The following ZSCAN32 variants were observed in gnomAD, a reference collection of about 807,000 sequenced individuals.
ZSCAN32 encodes zinc finger and SCAN domain containing 32.
A neutral mutation model predicts 47.4 loss-of-function variants in ZSCAN32; 52 were observed. That is an observed-to-expected ratio of 1.10 (90% CI 0.88 to 1.38). The LOEUF (loss-of-function observed/expected upper bound fraction) is 1.38. ZSCAN32 is among the 40% of genes most tolerant of loss of function. ZSCAN32 has a pLI of 0.00. For missense variants in ZSCAN32, 959 were observed against 846.0 expected (o/e 1.13, Z -1.66); for synonymous variants, 346 against 305.7 (o/e 1.13, Z -1.38).
At chr16:3,384,109 A>G in intron 6 of ZSCAN32, 1 of 504,410 alleles carries the variant, frequency 2.0e-6, no homozygotes, top group Non-Finnish European at 3.5e-6. Context: ...CAAGGTGCTA[A>G]GTACCCAGCC....
At position 3,393,931 on chromosome 16, in the gene ZSCAN32, G is replaced by A. The variant is rs138635443; in HGVS notation, c.367-117C>T. The stretch of plus-strand genomic sequence containing the variant: ...AAGGAAGCAGAAGAGAAAAATCTAG[G>A]AGCCACTGTATTGCTGCTGTAATAA... On this transcript the variant is annotated intron_variant, in intron 2 of 6. Coordinates refer to ENST00000396852, the MANE Select transcript of ZSCAN32 (RefSeq NM_001284527.2). 3.3e-5 allele frequency: 29 copies of A among 867,576 alleles called. No individual in the cohort carries two copies. In the East Asian group the frequency reaches 5.3e-4, roughly 16 times the overall value. The allele number at this position is 867,576 out of a possible 1,614,324, so 53.7% of individuals were successfully genotyped here.
chr16:3,400,871 G>T (rs1428457679), intron 1 of ZSCAN32, 74 bp downstream of exon 1: 1 of 152,302 alleles, frequency 6.6e-6, no homozygotes, highest in Non-Finnish European at 1.5e-5. Context: ...AAGACTCCCA[G>T]CGGGGAGGGG....
rs901431998 is a variant in ZSCAN32, at chr16:3,398,904, T to C, written c.-187-1160A>G. Among the ~76,000 whole-genome samples the C allele has an allele frequency of 4.6e-5, 7 of 152,322 alleles. No homozygotes were observed. The East Asian group carries it at 1.3e-3, about 29-fold the overall frequency. On this transcript the variant is annotated intron_variant, in intron 1 of 6. Coordinates refer to ENST00000396852, the MANE Select transcript of ZSCAN32 (RefSeq NM_001284527.2). ...TCCAGCATTCCTTTCCCACTTCTAG[T>C]AGCAGCATCTTCTTCCTTTGTGAAA...
intron 5 of ZSCAN32, 140 bp from the exon 6 acceptor site, chr16:3,385,081 T>G (rs1419578404): frequency 5.0e-6 from 5 of 1,002,114 alleles, no homozygotes; most frequent in African/African-American, 3.2e-5. Flanking sequence ...TCCCAGCACT[T>G]TGGGAGGCCA....
chr16:3,397,413 T>TTACCTCCTGGTAGC lies in ZSCAN32; in HGVS notation c.131_144dup (p.Thr49AlafsTer5). The TTACCTCCTGGTAGC allele has an allele frequency of 6.4e-7, 1 of 1,552,478 alleles. No homozygotes were observed. Among genetic ancestry groups the TTACCTCCTGGTAGC allele is most frequent in the East Asian group, 2.4e-5 (1 of 41,086 alleles). ...TTGCTAAAAGCTTCATGTGGGCCAG[T>TTACCTCCTGGTAGC]TACCTCCTGGTAGCAAAACTGCCTG... On this transcript the variant is annotated frameshift_variant, in exon 2 of 7. Transcript: ENST00000396852. LOFTEE classifies it high-confidence loss of function.
chr16:3,393,947 G>T, intron 2 of ZSCAN32, 133 bp from the exon 3 acceptor site: 1 of 685,118 alleles, frequency 1.5e-6, no homozygotes, highest in Non-Finnish European at 2.2e-6. Context: ...CTGTATTGCT[G>T]CTGTAATAAA....
At position 3,390,521 on chromosome 16, in the gene ZSCAN32, G is replaced by C; in HGVS notation, c.533-4C>G. ...GGAGCCTGAGGAGCAAGCCAGGCTGGGGGAAAAAACAGCCGCTATTAGAGG... is the reference window on the plus strand; with the variant it reads ...GGAGCCTGAGGAGCAAGCCAGGCTGCGGGAAAAAACAGCCGCTATTAGAGG... On this transcript the variant is annotated splice_region_variant and splice_polypyrimidine_tract_variant and intron_variant, in intron 3 of 6. Transcript: ENST00000396852. The C allele has an allele frequency of 6.5e-7, 1 of 1,547,968 alleles. No individual in the cohort carries two copies.
Position 3,384,758 on chromosome 16 carries a change from C to A in ZSCAN32, c.935G>T (p.Ser312Ile). The A allele has an allele frequency of 6.2e-7, 1 of 1,614,188 alleles. No homozygotes were observed. Among genetic ancestry groups the A allele is most frequent in the Non-Finnish European group, 8.5e-7 (1 of 1,180,032 alleles). Residue 312 changes from serine to isoleucine, a missense_variant, in exon 6 of 7, where the codon AGC becomes ATC. By Grantham distance (142) the Ser-to-Ile change is moderately radical. Coordinates refer to ENST00000396852, the MANE Select transcript of ZSCAN32 (RefSeq NM_001284527.2). ...CACTTTGCGGTAACTCAACTGTAGG[C>A]TTTTGAACTTGGTGCGACACTGTTC... ...TPEQCRTKFK[S>I]LQLSYRKVRR...
chr16:3,394,583 T>A (rs1422413258), intron 2 of ZSCAN32, among the ~76,000 whole-genome samples: 6 of 152,186 alleles, frequency 3.9e-5, no homozygotes, highest in Non-Finnish European at 7.4e-5. Context: ...TCTCTCTACA[T>A]GGAACCCAGT....
intron 1 of ZSCAN32, among the ~76,000 whole-genome samples, chr16:3,398,608 C>T (rs559605546): frequency 3.8e-4 from 58 of 152,234 alleles, no homozygotes; most frequent in Non-Finnish European, 1.3e-4. Flanking sequence ...TAGTCTTCTC[C>T]CAGCCAAGAT....
Position 3,384,466 on chromosome 16 carries a change from G to A in ZSCAN32, c.1227C>T (p.Asn409=). The A allele has an allele frequency of 6.2e-7, 1 of 1,614,160 alleles. No individual in the cohort carries two copies. Among genetic ancestry groups the A allele is most frequent in the Non-Finnish European group, 8.5e-7 (1 of 1,180,014 alleles). Residue 409 remains asparagine, a synonymous_variant, in exon 6 of 7, where the codon AAC becomes AAT. Transcript: ENST00000396852. ...GAGCCAAGGGAGTCTTACCAAGTCTGTTTGGGAACAGCACTGGCAGGTCTA... is the reference window on the plus strand; with the variant it reads ...GAGCCAAGGGAGTCTTACCAAGTCTATTTGGGAACAGCACTGGCAGGTCTA... ...RKLDLPVLFP[N]RLGFEFKNEI...
intron 2 of ZSCAN32, among the ~76,000 whole-genome samples, chr16:3,394,437 C>T (rs1246618501): frequency 6.6e-6 from 1 of 152,100 alleles, no homozygotes; most frequent in Non-Finnish European, 1.5e-5. Context: ...ATTTCCTCTG[C>T]CCCCCAAATC....
chr16:3,390,702 T>C (rs1371659040), intron 3 of ZSCAN32, among the ~76,000 whole-genome samples, 185 bp from the exon 4 acceptor site: 1 of 152,196 alleles, frequency 6.6e-6, no homozygotes, highest in Middle Eastern at 3.2e-3. Flanking sequence ...CCTAGGACTC[T>C]GTTTTATCAC....
chr16:3,383,332 C>A lies in ZSCAN32; in HGVS notation c.1614G>T (p.Arg538=), dbSNP rs753704131. Residue 538 remains arginine (R), a synonymous_variant, in exon 7 of 7, where the codon CGG becomes CGT. Coordinates refer to ENST00000396852, the MANE Select transcript of ZSCAN32 (RefSeq NM_001284527.2). ...TCTCGCCTGTGTGGATTCTTTGATG[C>A]CGAACAAGATAAGAACTTCGGCTAA... ...KTFSRSSYLV[R]HQRIHTGEKP... 1.2e-6 allele frequency: 2 copies of A among 1,614,190 alleles called. No individual in the cohort carries two copies. Among genetic ancestry groups the A allele is most frequent in the East Asian group, 4.5e-5 (2 of 44,882 alleles).
At chr16:3,400,787 G>C (rs891169642) in intron 1 of ZSCAN32, among the ~76,000 whole-genome samples, 158 bp downstream of exon 1, 2 of 152,130 alleles carry the variant, frequency 1.3e-5, no homozygotes, top group African/African-American at 4.8e-5. Context: ...CGGCGCGTCT[G>C]GGGACGCCCG....
In ZSCAN32 at chr16:3,399,126, G is replaced by T. The variant is rs2033649302; in HGVS notation, c.-187-1382C>A. Among the ~76,000 whole-genome samples the T allele has an allele frequency of 2.0e-5, 3 of 152,194 alleles. No homozygotes were observed. In the South Asian group the frequency reaches 6.2e-4, roughly 31 times the overall value. ...TAGTCGCAGCTACTCGGGAGGCTGA[G>T]GCAGGAGAATCGCTTGAACCCGGGA... On this transcript the variant is annotated intron_variant, in intron 1 of 6. Transcript: ENST00000396852.
intron 3 of ZSCAN32, 52 bp from the exon 4 acceptor site, chr16:3,390,569 G>C: frequency 7.0e-7 from 1 of 1,424,630 alleles, no homozygotes; most frequent in East Asian, 2.5e-5. Context: ...CAACAGCACA[G>C]AGCAGAAGCT....
At chr16:3,393,256 T>TATATATATA (rs1195714476) in intron 3 of ZSCAN32, among the ~76,000 whole-genome samples, 2 of 13,858 alleles carry the variant, frequency 1.4e-4, no homozygotes, top group African/African-American at 8.8e-4. Context: ...TATATATATA[T>TATATATATA]TTTTTGTTTT....
At chr16:3,389,908 C>G (rs1253994173) in intron 5 of ZSCAN32, 102 bp downstream of exon 5, 1 of 1,224,952 alleles carries the variant, frequency 8.2e-7, no homozygotes, top group Non-Finnish European at 1.1e-6. Context: ...CTCCACCCAA[C>G]AGTCTCCCCA....
Sources: allele counts gnomAD v4.1 joint callset (sites outside exome capture counted in the v4.1 genomes callset), GRCh38; gene constraint gnomAD v4.1.1; transcripts MANE v1.5; gene names NCBI Gene and HGNC (gene_info 2026-07-23, HGNC 2026-07-21).